The following TESC variants were observed in gnomAD, a reference collection of about 807,000 sequenced individuals.
TESC encodes the protein tescalcin, also known as calcineurin B homologous protein 3.
Under a neutral mutation model 31.0 loss-of-function variants are expected in TESC, and 19 were observed. That is an observed-to-expected ratio of 0.61 (90% confidence interval 0.43 to 0.90). The LOEUF is 0.90. Ranked by LOEUF, TESC falls within the 40% of genes least tolerant of loss-of-function variation. TESC has a pLI of 0.00. For missense variants in TESC, 248 were observed against 303.8 expected (o/e 0.82, Z 1.36); for synonymous variants, 109 against 114.8 (o/e 0.95, Z 0.32).
At chr12:117,081,823 G>C (rs139726737) in intron 1 of TESC, among the ~76,000 whole-genome samples, 2,302 of 152,240 alleles carry the variant, frequency 0.015, 68 homozygotes, top group African/African-American at 0.053. Context: ...AGAATCACTT[G>C]AACCTGGGAG....
chr12:117,085,490 G>T (rs190540109), intron 1 of TESC, among the ~76,000 whole-genome samples: 1 of 152,136 alleles, frequency 6.6e-6, no homozygotes, highest in Non-Finnish European at 1.5e-5. Context: ...GCCTTCTCCC[G>T]TGCCCCAGGG....
At chr12:117,064,694 G>A (rs1160009576) in intron 2 of TESC, among the ~76,000 whole-genome samples, 1 of 152,216 alleles carries the variant, frequency 6.6e-6, no homozygotes, top group Non-Finnish European at 1.5e-5. Context: ...GAGAAAGGGA[G>A]GGGACCACAG....
rs182321332 is a variant in TESC, at chr12:117,085,585, G to A, written c.59-10245C>T. 2.5e-3 allele frequency among the ~76,000 whole-genome samples: 387 copies of A among 152,292 alleles called. 2 individuals carry two copies. Among genetic ancestry groups the A allele is most frequent in the African/African-American group, 9.1e-3 (380 of 41,564 alleles). Reference sequence around the variant, plus strand: ...CCCCAGGACACCAAGGGGCATCACTGGGGGGCTCAGTGACTTCCAAGACCC... The same window carrying A: ...CCCCAGGACACCAAGGGGCATCACTAGGGGGCTCAGTGACTTCCAAGACCC... On this transcript the variant is annotated intron_variant, in intron 1 of 7. Coordinates refer to ENST00000335209, the MANE Select transcript of TESC (RefSeq NM_017899.4).
Position 117,049,119 on chromosome 12 carries a change from G to C in TESC, c.249C>G (p.Ile83Met), listed in dbSNP as rs148314787. Residue 83 changes from isoleucine (I) to methionine (M), a missense_variant, in exon 4 of 8, where the codon ATC (isoleucine) becomes ATG (methionine). By Grantham distance (10) the Ile-to-Met change is conservative. Transcript: ENST00000335209. ...TGATGGTCAGGAAGTCCTCGAAATT[G>C]ATCTCATCAGCCAGGCCACTGGGTC... ...RKGPSGLADE[I>M]NFEDFLTIMS... 5.5e-5 allele frequency: 88 copies of C among 1,614,134 alleles called. No homozygotes were observed. The highest frequency in any genetic ancestry group is 7.3e-5 in the Non-Finnish European group (86 of 1,180,048).
chr12:117,055,929 T>C (rs75425940), intron 3 of TESC, among the ~76,000 whole-genome samples: 5 of 150,068 alleles, frequency 3.3e-5, no homozygotes, highest in South Asian at 2.2e-4. Context: ...TTTTTTTTTT[T>C]TTCTTCTGAG....
At chr12:117,095,259 G>C (rs565390173) in intron 1 of TESC, among the ~76,000 whole-genome samples, 138 of 152,116 alleles carry the variant, frequency 9.1e-4, no homozygotes, top group African/African-American at 3.2e-3. Context: ...AGTTTTAGTA[G>C]AGACAGGGTT....
At chr12:117,079,803 T>C (rs112404299) in intron 1 of TESC, among the ~76,000 whole-genome samples, 9 of 152,344 alleles carry the variant, frequency 5.9e-5, no homozygotes, top group East Asian at 1.9e-4. Flanking sequence ...TCCAAAATTA[T>C]ATTGTTTTGA....
intron 2 of TESC, among the ~76,000 whole-genome samples, chr12:117,073,568 T>C (rs1955007034): frequency 6.6e-6 from 1 of 152,214 alleles, no homozygotes; most frequent in East Asian, 1.9e-4. Context: ...TCAGTTTCCA[T>C]AAAACCTAGG....
intron 1 of TESC, among the ~76,000 whole-genome samples, chr12:117,075,937 A>ATGTGTGTGTGTG (rs1555232403): frequency 1.0e-5 from 1 of 99,386 alleles, no homozygotes; most frequent in African/African-American, 5.4e-5. Context: ...ATATATATAT[A>ATGTGTGTGTGTG]TATGTATATA....
At chr12:117,076,830 C>T (rs114830197) in intron 1 of TESC, among the ~76,000 whole-genome samples, 1 of 152,294 alleles carries the variant, frequency 6.6e-6, no homozygotes, top group African/African-American at 2.4e-5. Context: ...GGACTGAACT[C>T]CAAGTCTGTG....
Position 117,042,324 on chromosome 12 carries a change from A to C in TESC, c.520-330T>G, listed in dbSNP as rs189068902. ...AGGGAGAATCCGAGGTGTGGGTGAC[A>C]TGAGGGCATGGGGCTCTCCTTCCCC... On this transcript the variant is annotated intron_variant, in intron 6 of 7. Transcript: ENST00000335209. 9.2e-5 allele frequency among the ~76,000 whole-genome samples: 14 copies of C among 151,892 alleles called. No homozygotes were observed. The East Asian group carries it at 2.5e-3, about 27-fold the overall frequency.
chr12:117,088,894 C>T (rs890867754), intron 1 of TESC, among the ~76,000 whole-genome samples: 3 of 152,212 alleles, frequency 2.0e-5, no homozygotes, highest in Non-Finnish European at 2.9e-5. Context: ...GGGTTAGTGA[C>T]AGATGCTGCT....
chr12:117,066,452 A>G (rs1461545510), intron 2 of TESC, among the ~76,000 whole-genome samples: 1 of 150,784 alleles, frequency 6.6e-6, no homozygotes. Context: ...GCTCACTGCA[A>G]GCTCCGCCTC....
At chr12:117,049,188 A>G (rs200120071) in intron 3 of TESC, 30 bp from the exon 4 acceptor site, 2 of 1,613,806 alleles carry the variant, frequency 1.2e-6, no homozygotes, top group South Asian at 2.2e-5. Flanking sequence ...GGTGTTGGAA[A>G]TAAATGAAGA....
chr12:117,096,952 G>A (rs1486247440), intron 1 of TESC, among the ~76,000 whole-genome samples: 1 of 152,106 alleles, frequency 6.6e-6, no homozygotes, highest in Admixed American at 6.5e-5. Context: ...CCTCCTCAGG[G>A]AGGACCTCCG....
chr12:117,039,316 C>T (rs910879478), intron 7 of TESC, 106 bp from the exon 8 acceptor site: 19 of 1,087,174 alleles, frequency 1.7e-5, no homozygotes, highest in Admixed American at 2.0e-5. Context: ...CTGCCACCAA[C>T]TGTGATGTTC....
chr12:117,085,120 G>A (rs1365075320), intron 1 of TESC, among the ~76,000 whole-genome samples: 1 of 152,240 alleles, frequency 6.6e-6, no homozygotes, highest in Non-Finnish European at 1.5e-5. Context: ...ATGCCCAATG[G>A]GGTTCTGGGG....
intron 2 of TESC, among the ~76,000 whole-genome samples, chr12:117,066,356 G>A (rs1212014314): frequency 4.0e-5 from 6 of 148,650 alleles, no homozygotes; most frequent in Non-Finnish European, 8.9e-5. Flanking sequence ...ACAGGCACCC[G>A]CCACCATGAA....
intron 2 of TESC, among the ~76,000 whole-genome samples, chr12:117,060,808 A>G (rs1954791733): frequency 6.6e-6 from 1 of 152,008 alleles, no homozygotes; most frequent in African/African-American, 2.4e-5. Context: ...AATAGAATCC[A>G]TTTTCCAAGG....
Sources: gnomAD v4.1 joint callset for allele counts (sites outside exome capture counted in the v4.1 genomes callset) on GRCh38, gnomAD v4.1.1 for gene constraint, MANE v1.5 for transcripts, NCBI Gene and HGNC (gene_info 2026-07-23, HGNC 2026-07-21) for gene names.